The following PLEKHA4 variants were observed in gnomAD, a reference collection of about 807,000 sequenced individuals.
PLEKHA4 encodes pleckstrin homology domain-containing family A member 4.
Under a neutral mutation model 94.7 loss-of-function variants are expected in PLEKHA4, and 73 were observed. The ratio of observed to expected loss-of-function variants is 0.77; its 90% confidence interval spans 0.64 to 0.94. PLEKHA4 has a LOEUF of 0.94. Among genes scored for constraint, PLEKHA4 ranks in the 40% least tolerant of loss-of-function variants. PLEKHA4 has a pLI of 0.00. For synonymous variants in PLEKHA4, 449 were observed against 437.1 expected (o/e 1.03, Z -0.34); for missense variants, 1,049 against 1,054.1 (o/e 1.00, Z 0.07).
Position 48,867,242 on chromosome 19 carries a change from C to T in PLEKHA4, c.84+295G>A, listed in dbSNP as rs2270947. ...TTCTGGCACTAATCAAGAGCAGCCA[C>T]TACTTCTCAGAACTCGAGGGGCCTC... is the stretch of plus-strand genomic sequence containing the variant. On this transcript the variant is annotated intron_variant, in intron 2 of 19. Transcript: ENST00000263265. The surrounding 1 kb of genome is among the most constrained non-coding windows in gnomAD (Gnocchi z 4.7). Among the ~76,000 whole-genome samples, 20 of 146,654 alleles carry T rather than the reference C, an allele frequency of 1.4e-4. No homozygotes were observed. The East Asian group carries it at 3.7e-3, about 27-fold the overall frequency.
intron 16 of PLEKHA4, among the ~76,000 whole-genome samples, chr19:48,842,040 A>T (rs2035787392): frequency 6.6e-6 from 1 of 151,930 alleles, no homozygotes; most frequent in Non-Finnish European, 1.5e-5. Flanking sequence ...TTATTGTAGA[A>T]CCAGTCCCTG....
At chr19:48,838,166 A>C in intron 18 of PLEKHA4, 37 bp from the exon 19 acceptor site, 6 of 1,028,454 alleles carry the variant, frequency 5.8e-6, no homozygotes, top group Non-Finnish European at 7.5e-6. Context: ...GGGGGTGTGT[A>C]CATGGGGGAG....
At chr19:48,857,247 C>T (rs1399964932) in intron 9 of PLEKHA4, among the ~76,000 whole-genome samples, 175 bp downstream of exon 9, 2 of 152,168 alleles carry the variant, frequency 1.3e-5, no homozygotes, top group Non-Finnish European at 1.5e-5. Context: ...TAATCCATTT[C>T]TGTTGTTTTC....
At chr19:48,840,718 C>A (rs921514818) in intron 17 of PLEKHA4, among the ~76,000 whole-genome samples, 2 of 152,104 alleles carry the variant, frequency 1.3e-5, no homozygotes, top group Admixed American at 1.3e-4. Context: ...AGCCACCATG[C>A]CCGGCCGAAA....
intron 3 of PLEKHA4, among the ~76,000 whole-genome samples, chr19:48,864,165 T>TCCA (rs2036747409): frequency 6.7e-6 from 1 of 148,328 alleles, no homozygotes; most frequent in South Asian, 2.1e-4. Context: ...GCGATCTGCC[T>TCCA]CCAGGTCTTT....
chr19:48,842,034 T>C (rs1276469275), intron 16 of PLEKHA4, among the ~76,000 whole-genome samples: 1 of 152,216 alleles, frequency 6.6e-6, no homozygotes, highest in Non-Finnish European at 1.5e-5. Context: ...CTGTGCTTAT[T>C]GTAGAACCAG....
chr19:48,863,587 C>T (rs1248917752), intron 3 of PLEKHA4, among the ~76,000 whole-genome samples: 8 of 151,880 alleles, frequency 5.3e-5, no homozygotes, highest in Non-Finnish European at 1.0e-4. Context: ...ACCACCACCA[C>T]GCCCGGCTAA....
At position 48,859,702 on chromosome 19, in the gene PLEKHA4, A is replaced by G; in HGVS notation, c.477-18T>C. The G allele has an allele frequency of 3.1e-6, 5 of 1,599,710 alleles. No homozygotes were observed. Among genetic ancestry groups the G allele is most frequent in the Non-Finnish European group, 3.4e-6 (4 of 1,171,668 alleles). On this transcript the variant is annotated intron_variant, in intron 6 of 19. Coordinates refer to ENST00000263265, the MANE Select transcript of PLEKHA4 (RefSeq NM_020904.3). ...GTTGCCCACTAGCGAGTGGACATAG[A>G]CAAGATATCACTCCTTCGAACTTCA... is the stretch of plus-strand genomic sequence containing the variant.
chr19:48,840,283 C>T (rs1009092153), intron 17 of PLEKHA4, among the ~76,000 whole-genome samples: 3 of 151,834 alleles, frequency 2.0e-5, no homozygotes, highest in East Asian at 3.9e-4. Flanking sequence ...GATGTAGTGG[C>T]ATATCCCTGT....
chr19:48,853,607 G>A (rs2036285952), intron 12 of PLEKHA4, 75 bp downstream of exon 12: 2 of 1,374,414 alleles, frequency 1.5e-6, no homozygotes, highest in Non-Finnish European at 1.9e-6. Flanking sequence ...GAGCCCTCTG[G>A]GGCAGGTCCC....
intron 17 of PLEKHA4, among the ~76,000 whole-genome samples, chr19:48,840,357 G>A (rs916522939): frequency 6.6e-6 from 1 of 151,488 alleles, no homozygotes; most frequent in Non-Finnish European, 1.5e-5. Flanking sequence ...GGAGGTTGCA[G>A]TGAGTGGAGA....
Position 48,865,620 on chromosome 19 carries a change from G to A in PLEKHA4, c.85-10C>T, listed in dbSNP as rs1264967780. Reference sequence around the variant, plus strand: ...CTGCCCGGGTGGGCTTCTGAGGAGAGAAGGGGACAGAAGTGAACAGGGAGA... The same window carrying A: ...CTGCCCGGGTGGGCTTCTGAGGAGAAAAGGGGACAGAAGTGAACAGGGAGA... On this transcript the variant is annotated splice_polypyrimidine_tract_variant and intron_variant, in intron 2 of 19. Transcript: ENST00000263265. The A allele has an allele frequency of 3.2e-6, 5 of 1,578,876 alleles. No homozygotes were observed. In the African/African-American group the frequency reaches 6.8e-5, roughly 21 times the overall value.
At chr19:48,844,522 C>T in intron 16 of PLEKHA4, 1 of 985,286 alleles carries the variant, frequency 1.0e-6, no homozygotes, top group Non-Finnish European at 1.2e-6. Flanking sequence ...TTCTGAAAGC[C>T]AGCCAATCAG....
In PLEKHA4 at chr19:48,867,555, G is replaced by A; in HGVS notation, c.66C>T (p.Leu22=). Residue 22 remains leucine, a synonymous_variant, in exon 2 of 20, where the codon CTC becomes CTT. Coordinates refer to ENST00000263265, the MANE Select transcript of PLEKHA4 (RefSeq NM_020904.3). The surrounding 1 kb of genome is among the most constrained non-coding windows in gnomAD (Gnocchi z 4.7). ...LASSASTISS[L]SSLSPKKPTR... is the part of the protein sequence containing the mutation. ...CTCAAACCTTGGGGCTCAGGCTGCT[G>A]AGCGAGGAGATGGTGGAGGCGCTGC... 3.7e-6 allele frequency: 6 copies of A among 1,600,574 alleles called. No individual in the cohort carries two copies. Among genetic ancestry groups the A allele is most frequent in the South Asian group, 1.1e-5 (1 of 87,998 alleles).
chr19:48,858,814 G>A (rs1044415136), intron 8 of PLEKHA4, 46 bp downstream of exon 8: 8 of 1,608,092 alleles, frequency 5.0e-6, no homozygotes, highest in African/African-American at 4.0e-5. Flanking sequence ...ACAGCCCTGA[G>A]GCCTGATGGG....
chr19:48,850,337 C>T (rs2036135024), intron 13 of PLEKHA4, among the ~76,000 whole-genome samples: 1 of 151,800 alleles, frequency 6.6e-6, no homozygotes, highest in Admixed American at 6.6e-5. Context: ...AACCCCATCT[C>T]TACTAAAAAT....
intron 14 of PLEKHA4, among the ~76,000 whole-genome samples, chr19:48,847,486 CTT>C (rs1460508093): frequency 6.6e-6 from 1 of 152,140 alleles, no homozygotes. Context: ...AATCCCAACA[CTT>C]TGGGAGGCCG....
intron 14 of PLEKHA4, among the ~76,000 whole-genome samples, chr19:48,847,088 A>G (rs894519492): frequency 6.6e-6 from 1 of 152,128 alleles, no homozygotes. Flanking sequence ...GAGTCCATAT[A>G]TATGTGGCAC....
chr19:48,861,644 C>T lies in PLEKHA4; in HGVS notation c.241G>A (p.Gly81Ser), dbSNP rs770347579. The T allele has an allele frequency of 1.1e-5, 17 of 1,614,012 alleles. No homozygotes were observed. In the Admixed American group the frequency reaches 1.3e-4, roughly 13 times the overall value. ...CCCTTGTAATAAAAGAGGCAATGGC[C>T]GGAGAGGACGAACCAGCGGCGTTTC... ...LWKRRWFVLS[G>S]HCLFYYKDSR... The change falls in exon 4 of 20, where the codon GGC (glycine) becomes AGC (serine). Residue 81 changes from glycine (G) to serine (S), a missense_variant. Coordinates refer to ENST00000263265, the MANE Select transcript of PLEKHA4 (RefSeq NM_020904.3).
Sources: allele counts gnomAD v4.1 joint callset (sites outside exome capture counted in the v4.1 genomes callset), GRCh38; gene constraint gnomAD v4.1.1; non-coding constraint Gnocchi (gnomAD v3.1); transcripts MANE v1.5; gene names NCBI Gene and HGNC (gene_info 2026-07-23, HGNC 2026-07-21).